APELA: variants seen among roughly 807,000 people sequenced by gnomAD.
APELA encodes apelin receptor early endogenous ligand, also known as protein Elabela.
Position 164,878,824 on chromosome 4 carries a change from A to G in APELA, c.77-96A>G, listed in dbSNP as rs549489858. ...TTTGAACAAATGGCAAATAACCACA[A>G]TCTAGTTTGGCTCCAAAATATGTTT... On this transcript the variant is annotated intron_variant, in intron 1 of 2. Coordinates refer to ENST00000507152, the MANE Select transcript of APELA (RefSeq NM_001297550.2). The G allele has an allele frequency of 2.4e-4, 96 of 397,920 alleles. No individual in the cohort carries two copies. The Middle Eastern group carries it at 2.5e-3, about 11-fold the overall frequency. 24.6% of individuals were successfully genotyped at this position (397,920 alleles called of 1,614,324 possible).
At chr4:164,893,963 G>T (rs540282323) in intron 2 of APELA, among the ~76,000 whole-genome samples, 55 of 145,710 alleles carry the variant, frequency 3.8e-4, no homozygotes, top group Non-Finnish European at 7.5e-4. Flanking sequence ...TTTGGTCACC[G>T]AAAAAAAAAA....
Position 164,897,274 on chromosome 4 carries a change from A to G in APELA, c.*1860A>G, listed in dbSNP as rs1206099879. On this transcript the variant is annotated 3_prime_UTR_variant, in exon 3 of 3. Coordinates refer to ENST00000507152, the MANE Select transcript of APELA (RefSeq NM_001297550.2). Reference sequence around the variant, plus strand: ...TCTTTGCGGATGAATGGTACTTTCCACAAGTGCATTTGAGTAGAAGCATAA... The same window carrying G: ...TCTTTGCGGATGAATGGTACTTTCCGCAAGTGCATTTGAGTAGAAGCATAA... 1 of 152,218 alleles carries G rather than the reference A, an allele frequency of 6.6e-6. No individual in the cohort carries two copies. The highest frequency in any genetic ancestry group is 1.5e-5 in the Non-Finnish European group (1 of 68,044). The allele number at this position is 152,218 out of a possible 1,614,324, so 9.4% of individuals were successfully genotyped here.
intron 2 of APELA, among the ~76,000 whole-genome samples, chr4:164,879,503 G>T (rs1730619193): frequency 6.6e-6 from 1 of 152,058 alleles, no homozygotes; most frequent in Non-Finnish European, 1.5e-5. Flanking sequence ...GGAGTGTAAT[G>T]ATGTGATCCC....
intron 2 of APELA, among the ~76,000 whole-genome samples, chr4:164,888,277 T>C (rs1006595444): frequency 6.6e-6 from 1 of 152,222 alleles, no homozygotes. Context: ...CCAGCATCTC[T>C]TGAGTTTGGC....
At chr4:164,884,334 CT>C (rs1183212251) in intron 2 of APELA, among the ~76,000 whole-genome samples, 1 of 152,166 alleles carries the variant, frequency 6.6e-6, no homozygotes, top group Non-Finnish European at 1.5e-5. Context: ...GAAAAGGCAG[CT>C]GTTTTCTTTC....
At chr4:164,882,039 C>T (rs1194106853) in intron 2 of APELA, among the ~76,000 whole-genome samples, 2 of 152,032 alleles carry the variant, frequency 1.3e-5, no homozygotes, top group Non-Finnish European at 2.9e-5. Flanking sequence ...ACATTACTTA[C>T]TTAATATGTA....
chr4:164,877,509 T>G, intron 1 of APELA, 102 bp downstream of exon 1: 1 of 397,926 alleles, frequency 2.5e-6, no homozygotes, highest in Non-Finnish European at 4.4e-6. Flanking sequence ...TAGGTGTGCT[T>G]GCAGTTAGTA....
intron 1 of APELA, among the ~76,000 whole-genome samples, chr4:164,877,844 A>C (rs1730583251): frequency 6.6e-6 from 1 of 152,216 alleles, no homozygotes; most frequent in Non-Finnish European, 1.5e-5. Flanking sequence ...AGCATAATGC[A>C]ACAAAATGCA....
intron 2 of APELA, among the ~76,000 whole-genome samples, chr4:164,891,788 C>A (rs1444403321): frequency 6.6e-6 from 1 of 151,962 alleles, no homozygotes; most frequent in Non-Finnish European, 1.5e-5. Flanking sequence ...TTTTTCTTTT[C>A]TTGCCTAAGT....
chr4:164,891,240 A>G (rs1198855569), intron 2 of APELA, among the ~76,000 whole-genome samples: 2 of 152,144 alleles, frequency 1.3e-5, no homozygotes, highest in Admixed American at 6.5e-5. Flanking sequence ...TTGACATCAA[A>G]TTAGTCTATG....
At chr4:164,881,735 T>C (rs1165915785) in intron 2 of APELA, among the ~76,000 whole-genome samples, 1 of 152,016 alleles carries the variant, frequency 6.6e-6, no homozygotes, top group East Asian at 1.9e-4. Flanking sequence ...TGCTTTTATT[T>C]ATAAGTATGT....
In APELA at chr4:164,897,193, TA is replaced by T. The variant is rs1313602932; in HGVS notation, c.*1780del. Reference sequence around the variant, plus strand: ...GGGTTAATATAAATGTAATTTTAAATAGAAAATCTGACAACACTGTCGAGTT... The same window carrying T: ...GGGTTAATATAAATGTAATTTTAAATGAAAATCTGACAACACTGTCGAGTT... On this transcript the variant is annotated 3_prime_UTR_variant, in exon 3 of 3. Coordinates refer to ENST00000507152, the MANE Select transcript of APELA (RefSeq NM_001297550.2). 1 of 152,232 alleles carries T rather than the reference TA, an allele frequency of 6.6e-6. No homozygotes were observed. Among genetic ancestry groups the T allele is most frequent in the Non-Finnish European group, 1.5e-5 (1 of 68,046 alleles). 9.4% of individuals were successfully genotyped at this position (152,232 alleles called of 1,614,324 possible).
At position 164,897,501 on chromosome 4, in the gene APELA, G is replaced by T. The variant is rs778106993; in HGVS notation, c.*2087G>T. 2.0e-5 allele frequency: 3 copies of T among 152,094 alleles called. No homozygotes were observed. Among genetic ancestry groups the T allele is most frequent in the Non-Finnish European group, 4.4e-5 (3 of 68,004 alleles). 9.4% of individuals were successfully genotyped at this position (152,094 alleles called of 1,614,324 possible). On this transcript the variant is annotated 3_prime_UTR_variant, in exon 3 of 3. Coordinates refer to ENST00000507152, the MANE Select transcript of APELA (RefSeq NM_001297550.2). ...TGAAATGGTTATACATTTCTTAATTGTTCAATAAAACACTCAATGATTTGC... is the reference window on the plus strand; with the variant it reads ...TGAAATGGTTATACATTTCTTAATTTTTCAATAAAACACTCAATGATTTGC...
chr4:164,877,980 T>C (rs1240229431), intron 1 of APELA, among the ~76,000 whole-genome samples: 2 of 152,118 alleles, frequency 1.3e-5, no homozygotes, highest in African/African-American at 4.8e-5. Context: ...AAAATATGTA[T>C]GATAAAGATA....
chr4:164,892,860 AT>A (rs1192597807), intron 2 of APELA, among the ~76,000 whole-genome samples: 1 of 151,852 alleles, frequency 6.6e-6, no homozygotes, highest in Non-Finnish European at 1.5e-5. Context: ...GAATTTGTCT[AT>A]TTTATCTAAG....
At chr4:164,893,963 GAA>G (rs369944019) in intron 2 of APELA, among the ~76,000 whole-genome samples, 3 of 145,610 alleles carry the variant, frequency 2.1e-5, no homozygotes, top group African/African-American at 7.6e-5. Context: ...TTTGGTCACC[GAA>G]AAAAAAAATA....
At chr4:164,888,223 A>T (rs1325274408) in intron 2 of APELA, among the ~76,000 whole-genome samples, 1 of 152,222 alleles carries the variant, frequency 6.6e-6, no homozygotes, top group Admixed American at 6.5e-5. Context: ...CAAATGAATC[A>T]AGCCAGGGCT....
rs1410925491 is a variant in APELA, at chr4:164,884,115, A to AAG, written c.*1+5108_*1+5109dup. ...AAAGAAAGAAAGAATGAAAGAAAGAAAGAAAGAGAAAGAAAGAAAGAAAGA... is the reference window on the plus strand; with the variant it reads ...AAAGAAAGAAAGAATGAAAGAAAGAAAGAGAAAGAGAAAGAAAGAAAGAAAGA... On this transcript the variant is annotated intron_variant, in intron 2 of 2. Transcript: ENST00000507152. Among the ~76,000 whole-genome samples, 180 of 49,532 alleles carry AAG rather than the reference A, an allele frequency of 3.6e-3. 3 individuals carry two copies. Among genetic ancestry groups the AAG allele is most frequent in the Middle Eastern group, 0.024 (3 of 124 alleles). The allele number at this position is 49,532 out of a possible 152,430, so 32.5% of individuals were successfully genotyped here.
chr4:164,878,196 A>AAAAGAAAGAAAGAAGG (rs1730593446), intron 1 of APELA, among the ~76,000 whole-genome samples: 1 of 143,382 alleles, frequency 7.0e-6, no homozygotes, highest in African/African-American at 2.6e-5. Flanking sequence ...AGAAACAGAA[A>AAAAGAAAGAAAGAAGG]AAAGAAAGAA....
Sources: gnomAD v4.1 joint callset for allele counts (sites outside exome capture counted in the v4.1 genomes callset) on GRCh38, gnomAD v4.1.1 for gene constraint, MANE v1.5 for transcripts, NCBI Gene and HGNC (gene_info 2026-07-23, HGNC 2026-07-21) for gene names.